PICALM: variants seen among roughly 807,000 people sequenced by gnomAD.
PICALM encodes phosphatidylinositol-binding clathrin assembly protein.
A neutral mutation model predicts 80.5 loss-of-function variants in PICALM; 40 were observed. That is an observed-to-expected ratio of 0.50 (90% CI 0.39 to 0.65). The LOEUF (loss-of-function observed/expected upper bound fraction) is 0.65. Among genes scored for constraint, PICALM ranks in the 30% least tolerant of loss-of-function variants. The probability of loss-of-function intolerance (pLI) is 0.00; values close to 1 mark genes in which losing one functional copy is unlikely to be tolerated. For synonymous variants in PICALM, 288 were observed against 260.3 expected (o/e 1.11, Z -1.02); for missense variants, 676 against 778.9 (o/e 0.87, Z 1.57).
chr11:85,962,497 G>C (rs1189215988), intron 19 of PICALM, among the ~76,000 whole-genome samples: 2 of 152,148 alleles, frequency 1.3e-5, no homozygotes, highest in Non-Finnish European at 2.9e-5. Context: ...AGACCTGACA[G>C]ACCCACAGTA....
intron 14 of PICALM, among the ~76,000 whole-genome samples, chr11:85,982,446 A>G (rs2094469508): frequency 1.1e-4 from 1 of 8,844 alleles, no homozygotes; most frequent in African/African-American, 1.1e-3. Context: ...TTTGAGACGG[A>G]GTCTTGCTCT....
At position 86,022,380 on chromosome 11, in the gene PICALM, T is replaced by C. The variant is rs756054547; in HGVS notation, c.439A>G (p.Lys147Glu). ...SYRQVAFDFT[K>E]VKRGADGVMR... is the part of the protein sequence containing the mutation. ...AGCTTAACTCACCCTCTCTTCACTT[T>C]TGTGAAATCAAATGCAACTTGTCTG... is the stretch of plus-strand genomic sequence containing the variant. Residue 147 changes from lysine (K) to glutamate (E), a missense_variant, in exon 4 of 20, where the codon AAA becomes GAA. Around this residue, in one of 2 missense-constraint regions of PICALM, gnomAD observed 285 missense variants for 395.4 expected, o/e 0.72. Coordinates refer to ENST00000393346, the MANE Select transcript of PICALM (RefSeq NM_007166.4). 2.5e-6 allele frequency: 4 copies of C among 1,573,154 alleles called. No individual in the cohort carries two copies.
chr11:86,057,493 G>A (rs1288791075), intron 1 of PICALM, among the ~76,000 whole-genome samples: 4 of 152,124 alleles, frequency 2.6e-5, no homozygotes, highest in African/African-American at 4.8e-5. Context: ...AGCTGAGATC[G>A]TGCCATTGCA....
At position 86,011,043 on chromosome 11, in the gene PICALM, AG is replaced by A; in HGVS notation, c.751del (p.Leu251SerfsTer32). ...AAGACAGTTTACCTCTGCAACTTTG[AG>A]GAACTCTGAGATTCTTGTCATCCTA... Reference protein sequence around the residue: ...LTRMTRISEFLKVAEQVGIDR... With the variant: ...LTRMTRISEFXKVAEQVGIDR... On this transcript the variant is annotated frameshift_variant, in exon 7 of 20. Coordinates refer to ENST00000393346, the MANE Select transcript of PICALM (RefSeq NM_007166.4). LOFTEE classifies it high-confidence loss of function. The A allele has an allele frequency of 6.6e-7, 1 of 1,505,452 alleles. No homozygotes were observed. Among genetic ancestry groups the A allele is most frequent in the Non-Finnish European group, 9.2e-7 (1 of 1,090,068 alleles). The allele number at this position is 1,505,452 out of a possible 1,614,324, so 93.3% of individuals were successfully genotyped here.
At chr11:85,999,767 G>A (rs1039140265) in intron 11 of PICALM, among the ~76,000 whole-genome samples, 2 of 152,126 alleles carry the variant, frequency 1.3e-5, no homozygotes, top group Admixed American at 1.3e-4. Flanking sequence ...CAAAGTGAAA[G>A]GAAAAAACTC....
rs558067217 is a variant in PICALM at position 85,957,634 on chromosome 11, G to A, written c.*1412C>T. The A allele has an allele frequency of 2.6e-5, 5 of 193,846 alleles. No individual in the cohort carries two copies. Among genetic ancestry groups the A allele is most frequent in the Non-Finnish European group, 4.3e-5 (4 of 92,904 alleles). The allele number at this position is 193,846 out of a possible 1,614,324, so 12.0% of individuals were successfully genotyped here. ...AAAATGACAATATTGATAATAAAAA[G>A]AGAAAGGAAAAATGAAAATGCATCT... On this transcript the variant is annotated 3_prime_UTR_variant, in exon 20 of 20. Coordinates refer to ENST00000393346, the MANE Select transcript of PICALM (RefSeq NM_007166.4).
chr11:86,019,683 T>C (rs140556336), intron 4 of PICALM, among the ~76,000 whole-genome samples: 2 of 152,356 alleles, frequency 1.3e-5, no homozygotes, highest in African/African-American at 4.8e-5. Flanking sequence ...ACAAAATCTG[T>C]AGAATTTACT....
intron 13 of PICALM, among the ~76,000 whole-genome samples, chr11:85,985,112 A>C (rs953728264): frequency 4.6e-5 from 7 of 152,162 alleles, no homozygotes; most frequent in Non-Finnish European, 8.8e-5. Flanking sequence ...GGGAGAAGTT[A>C]AACTTTTGGT....
chr11:85,976,842 A>G (rs11234498), intron 17 of PICALM, 160 bp from the exon 18 acceptor site: 5,931 of 523,358 alleles, frequency 0.011, 303 homozygotes, highest in African/African-American at 0.1. Context: ...ATGGTCAGTG[A>G]AAAAAAGTGT....
chr11:85,992,788 G>A (rs934404238), intron 12 of PICALM, among the ~76,000 whole-genome samples: 8 of 152,186 alleles, frequency 5.3e-5, no homozygotes, highest in Non-Finnish European at 7.4e-5. Context: ...CCAGTCATCC[G>A]CTGTTCTACT....
At chr11:85,986,447 G>A (rs1219179588) in intron 13 of PICALM, among the ~76,000 whole-genome samples, 4 of 132,072 alleles carry the variant, frequency 3.0e-5, no homozygotes, top group African/African-American at 1.2e-4. Flanking sequence ...GCGGACTGCA[G>A]TGGCGCAATC....
At chr11:85,991,114 CTA>C (rs1229160807) in intron 12 of PICALM, among the ~76,000 whole-genome samples, 1 of 151,960 alleles carries the variant, frequency 6.6e-6, no homozygotes, top group Non-Finnish European at 1.5e-5. Flanking sequence ...TAAAGTTATT[CTA>C]GAGTCAGATA....
At chr11:85,976,036 C>T (rs2094271036) in intron 18 of PICALM, among the ~76,000 whole-genome samples, 1 of 152,170 alleles carries the variant, frequency 6.6e-6, no homozygotes, top group African/African-American at 2.4e-5. Flanking sequence ...CACGGTACTG[C>T]CTTCTACCAG....
chr11:85,973,339 T>A (rs774573387), intron 19 of PICALM, among the ~76,000 whole-genome samples: 14 of 152,178 alleles, frequency 9.2e-5, no homozygotes, highest in Non-Finnish European at 1.5e-4. Flanking sequence ...GTCCACTATT[T>A]CACTTTCTGT....
chr11:86,038,046 A>C (rs2095874129), intron 1 of PICALM, among the ~76,000 whole-genome samples: 2 of 152,222 alleles, frequency 1.3e-5, no homozygotes, highest in African/African-American at 4.8e-5. Context: ...TGGGCCAGGC[A>C]TGGAGGCTTA....
At chr11:86,064,573 G>A (rs977177964) in intron 1 of PICALM, among the ~76,000 whole-genome samples, 5 of 151,260 alleles carry the variant, frequency 3.3e-5, no homozygotes, top group South Asian at 2.1e-4. Flanking sequence ...GTCTGAACCC[G>A]GGAAGTCAAG....
intron 13 of PICALM, among the ~76,000 whole-genome samples, chr11:85,990,008 C>CAAAAA (rs5793177): frequency 0.12 from 10,874 of 88,694 alleles, 659 homozygotes; most frequent in Non-Finnish European, 0.15. Flanking sequence ...AACCAAACAC[C>CAAAAA]AAAAAAAAAA....
chr11:86,000,539 A>C, intron 11 of PICALM, 104 bp downstream of exon 11: 1 of 835,220 alleles, frequency 1.2e-6, no homozygotes, highest in South Asian at 1.8e-5. Flanking sequence ...GTGTGAATAG[A>C]TTATAAAAGC....
At chr11:85,981,307 G>A in intron 16 of PICALM, 79 bp from the exon 17 acceptor site, 1 of 830,116 alleles carries the variant, frequency 1.2e-6, no homozygotes, top group Non-Finnish European at 2.0e-6. Flanking sequence ...ATAGAACAGA[G>A]TAAGATAGAG....
Sources: gnomAD v4.1 joint callset for allele counts (sites outside exome capture counted in the v4.1 genomes callset) on GRCh38, gnomAD v4.1.1 for gene constraint, gnomAD v4.1.1 regional missense constraint, MANE v1.5 for transcripts, NCBI Gene and HGNC (gene_info 2026-07-23, HGNC 2026-07-21) for gene names.